The following MORN1 variants were observed in gnomAD, a reference collection of about 807,000 sequenced individuals.
The protein encoded by MORN1 is MORN repeat containing 1.
A neutral mutation model predicts 61.9 loss-of-function variants in MORN1; 67 were observed. That is an observed-to-expected ratio of 1.08 (90% CI 0.89 to 1.33). The LOEUF (loss-of-function observed/expected upper bound fraction) is 1.33. Among genes scored for constraint, MORN1 ranks in the 40% most tolerant of loss-of-function variants. The probability of loss-of-function intolerance (pLI) is 0.00; values close to 1 mark genes in which losing one functional copy is unlikely to be tolerated. For missense variants in MORN1, 752 were observed against 691.2 expected (o/e 1.09, Z -0.99); for synonymous variants, 301 against 292.0 (o/e 1.03, Z -0.31).
Position 2,385,831 on chromosome 1 carries a change from T to C in MORN1, c.425A>G (p.His142Arg). ...YQGSFHDNKR[H>R]GPGQMLFQNG... ...CTGAAAGAGCATCTGCCCAGGGCCG[T>C]GCCTCTTGTTGTCATGGAAGGAGCC... Residue 142 changes from histidine (H) to arginine (R), a missense_variant, in exon 5 of 14, where the codon CAC (histidine) becomes CGC (arginine). His to Arg is a conservative substitution (Grantham distance 29, BLOSUM62 0). Transcript: ENST00000378531. The C allele has an allele frequency of 1.2e-6, 2 of 1,613,934 alleles. No individual in the cohort carries two copies. The highest frequency in any genetic ancestry group is 1.7e-6 in the Non-Finnish European group (2 of 1,180,006).
At chr1:2,366,026 A>G (rs1485525589) in intron 8 of MORN1, among the ~76,000 whole-genome samples, 12 of 146,944 alleles carry the variant, frequency 8.2e-5, no homozygotes, top group Admixed American at 3.4e-4. Flanking sequence ...ACACATGCAC[A>G]CGTATGTTTA....
chr1:2,377,081 G>C (rs1019623337), intron 6 of MORN1: 3 of 152,382 alleles, frequency 2.0e-5, no homozygotes, highest in Non-Finnish European at 2.9e-5. Context: ...CCACACACAG[G>C]CTGGGACCGA....
At chr1:2,343,017 G>C (rs1210021782) in intron 10 of MORN1, among the ~76,000 whole-genome samples, 1 of 151,938 alleles carries the variant, frequency 6.6e-6, no homozygotes, top group Non-Finnish European at 1.5e-5. Context: ...GGGATCACGG[G>C]CGTGGCCCCG....
chr1:2,382,095 A>C (rs1165422482), intron 6 of MORN1, among the ~76,000 whole-genome samples: 1 of 152,184 alleles, frequency 6.6e-6, no homozygotes, highest in Non-Finnish European at 1.5e-5. Flanking sequence ...CTCTGGGGAC[A>C]GGGCTAGGCT....
At chr1:2,322,775 C>G in intron 13 of MORN1, 7 of 985,424 alleles carry the variant, frequency 7.1e-6, no homozygotes, top group Non-Finnish European at 8.4e-6. Context: ...GCCGGGGGGC[C>G]GAGAGCTCAG....
chr1:2,324,993 C>T (rs1433909981), intron 12 of MORN1, among the ~76,000 whole-genome samples: 2 of 151,716 alleles, frequency 1.3e-5, no homozygotes, highest in African/African-American at 4.8e-5. Context: ...GCAGGTGCCT[C>T]CGATGCTCCT....
At chr1:2,335,842 C>G (rs568928021) in intron 12 of MORN1, among the ~76,000 whole-genome samples, 19 of 150,850 alleles carry the variant, frequency 1.3e-4, no homozygotes, top group African/African-American at 4.0e-4. Flanking sequence ...CCAGCCCAGC[C>G]CAGCGCGCAG....
rs1641828808 is a variant in MORN1, at chr1:2,358,675, T to C, written c.786A>G (p.Arg262=). ...GRVLQISAGV[R]YVQLSAYSEV... ...CAGAGTAGGCTGACAGCTGCACGTATCTGACGCCCGCTGAGATCTGCAGGA... is the reference window on the plus strand; with the variant it reads ...CAGAGTAGGCTGACAGCTGCACGTACCTGACGCCCGCTGAGATCTGCAGGA... Residue 262 remains arginine (R), a synonymous_variant, in exon 9 of 14, where the codon AGA becomes AGG. Transcript: ENST00000378531. 5.0e-6 allele frequency: 8 copies of C among 1,613,808 alleles called. No homozygotes were observed. Among genetic ancestry groups the C allele is most frequent in the Non-Finnish European group, 6.8e-6 (8 of 1,179,896 alleles).
chr1:2,322,985 C>G (rs1376822645), intron 13 of MORN1: 2 of 985,346 alleles, frequency 2.0e-6, no homozygotes, highest in African/African-American at 3.5e-5. Flanking sequence ...GGCTTAGCCC[C>G]AAGTGGCCCC....
At chr1:2,348,697 GCA>G (rs1557876239) in intron 10 of MORN1, among the ~76,000 whole-genome samples, 6 of 100,106 alleles carry the variant, frequency 6.0e-5, no homozygotes, top group African/African-American at 2.3e-4. Flanking sequence ...GCACACACAC[GCA>G]CGCACACGCA....
intron 10 of MORN1, among the ~76,000 whole-genome samples, chr1:2,353,743 A>T (rs2036083): frequency 0.35 from 53,881 of 152,124 alleles, 12,164 homozygotes; most frequent in African/African-American, 0.65. Context: ...AGGTACCGAG[A>T]GAGGCCCTCT....
chr1:2,343,649 G>A, intron 10 of MORN1, among the ~76,000 whole-genome samples: 1 of 152,188 alleles, frequency 6.6e-6, no homozygotes, highest in Non-Finnish European at 1.5e-5. Flanking sequence ...GACAGGCCAG[G>A]AGCCACCCTG....
At chr1:2,386,103 A>T (rs1557894825) in intron 4 of MORN1, 2 of 577,762 alleles carry the variant, frequency 3.5e-6, no homozygotes, top group Non-Finnish European at 6.2e-6. Context: ...TCTGAACGGG[A>T]AGGGCAGATG....
intron 2 of MORN1, among the ~76,000 whole-genome samples, chr1:2,388,718 CAG>C (rs1642564837): frequency 1.5e-5 from 2 of 135,442 alleles, no homozygotes; most frequent in African/African-American, 5.7e-5. Flanking sequence ...GTTGAGGCTG[CAG>C]AGAGCCATGA....
At chr1:2,389,611 G>A (rs112792340) in intron 2 of MORN1, among the ~76,000 whole-genome samples, 44 of 152,232 alleles carry the variant, frequency 2.9e-4, no homozygotes, top group Admixed American at 1.8e-3. Flanking sequence ...TTTACTACAA[G>A]AGTAGGTTCT....
At chr1:2,342,043 C>T (rs1395034440) in intron 10 of MORN1, among the ~76,000 whole-genome samples, 2 of 152,272 alleles carry the variant, frequency 1.3e-5, no homozygotes, top group Admixed American at 6.5e-5. Context: ...CATGCCCCTC[C>T]CCAGCTCTCA....
At chr1:2,374,598 G>A (rs544420758) in intron 6 of MORN1, 41 bp from the exon 7 acceptor site, 3 of 1,547,138 alleles carry the variant, frequency 1.9e-6, no homozygotes, top group African/African-American at 2.7e-5. Context: ...TGGCTCCCAA[G>A]GGGCTTTTGT....
chr1:2,390,187 T>A (rs974971584), intron 1 of MORN1, among the ~76,000 whole-genome samples, 191 bp from the exon 2 acceptor site: 7 of 152,152 alleles, frequency 4.6e-5, no homozygotes, highest in Admixed American at 2.0e-4. Flanking sequence ...CATTTGCTCA[T>A]TTGTTTATGT....
intron 12 of MORN1, among the ~76,000 whole-genome samples, chr1:2,331,759 C>T (rs980604992): frequency 2.0e-5 from 3 of 152,192 alleles, no homozygotes; most frequent in Admixed American, 6.5e-5. Context: ...GCGTTTCTCC[C>T]GCATGCGCCG....
Sources: allele counts gnomAD v4.1 joint callset (sites outside exome capture counted in the v4.1 genomes callset), GRCh38; gene constraint gnomAD v4.1.1; transcripts MANE v1.5; gene names NCBI Gene and HGNC (gene_info 2026-07-23, HGNC 2026-07-21).